The following CDC26 variants were observed in gnomAD, a reference collection of about 807,000 sequenced individuals.
CDC26 encodes the protein anaphase-promoting complex subunit CDC26.
Under a neutral mutation model 8.0 loss-of-function variants are expected in CDC26, and 2 were observed. The observed-to-expected ratio is 0.25, with a 90% CI of 0.10 to 0.79. The LOEUF is 0.79. CDC26 is among the 30% of genes least tolerant of loss of function. CDC26 has a pLI of 0.70. For missense variants in CDC26, 68 were observed against 106.0 expected (o/e 0.64, Z 1.57); for synonymous variants, 19 against 34.9 (o/e 0.55, Z 1.60).
chr9:113,272,658 A>T, intron 2 of CDC26, 110 bp from the exon 3 acceptor site: 1 of 575,908 alleles, frequency 1.7e-6, no homozygotes, highest in East Asian at 3.1e-5. Flanking sequence ...AATATTAAAA[A>T]TTTATTTGAA....
chr9:113,273,626 A>AT (rs1831993299), intron 1 of CDC26, among the ~76,000 whole-genome samples, 188 bp from the exon 2 acceptor site: 1 of 152,050 alleles, frequency 6.6e-6, no homozygotes, highest in Admixed American at 6.6e-5. Flanking sequence ...AGAGAGAAGA[A>AT]TGCACAAGGA....
intron 3 of CDC26, among the ~76,000 whole-genome samples, chr9:113,268,641 C>T (rs1182464153): frequency 1.3e-5 from 2 of 152,196 alleles, no homozygotes; most frequent in South Asian, 4.1e-4. Flanking sequence ...TCAGGCTGAC[C>T]GCAGTGGCTC....
rs781330526 is a variant in CDC26 at position 113,267,292 on chromosome 9, A to G, written c.229T>C (p.Ser77Pro). 6.5e-7 allele frequency: 1 copy of G among 1,544,934 alleles called. No homozygotes were observed. The highest frequency in any genetic ancestry group is 8.7e-7 in the Non-Finnish European group (1 of 1,144,872). ...YKPQPKPNNR[S>P]SQFGSLEF Reference sequence around the variant, plus strand: ...AATTCAAGACTTCCAAATTGAGATGAACGATTATTGGGCTTGGGTTGGGGT... The same window carrying G: ...AATTCAAGACTTCCAAATTGAGATGGACGATTATTGGGCTTGGGTTGGGGT... Residue 77 changes from serine (S) to proline (P), a missense_variant, in exon 4 of 4, where the codon TCA (serine) becomes CCA (proline). Coordinates refer to ENST00000374206, the MANE Select transcript of CDC26 (RefSeq NM_139286.4).
intron 3 of CDC26, among the ~76,000 whole-genome samples, chr9:113,268,161 A>G (rs943632681): frequency 1.3e-5 from 2 of 152,194 alleles, no homozygotes; most frequent in Non-Finnish European, 2.9e-5. Flanking sequence ...GGAAGCTACA[A>G]TTGGAAAGCT....
At position 113,267,258 on chromosome 9, in the gene CDC26, C is replaced by T; in HGVS notation, c.*5G>A. On this transcript the variant is annotated 3_prime_UTR_variant, in exon 4 of 4. Coordinates refer to ENST00000374206, the MANE Select transcript of CDC26 (RefSeq NM_139286.4). ...CAGCGCTCTGGCATGCAAGATAATC[C>T]ATCTCTAAAATTCAAGACTTCCAAA... is the stretch of plus-strand genomic sequence containing the variant. 6.8e-7 allele frequency: 1 copy of T among 1,468,814 alleles called. No homozygotes were observed. Among genetic ancestry groups the T allele is most frequent in the South Asian group, 1.3e-5 (1 of 74,190 alleles). 91.0% of individuals were successfully genotyped at this position (1,468,814 alleles called of 1,614,324 possible). A position where few individuals can be genotyped will look rare whatever the true frequency, so the allele number is the denominator to read the frequency against.
intron 3 of CDC26, among the ~76,000 whole-genome samples, chr9:113,269,980 G>C (rs1034511066): frequency 2.0e-5 from 3 of 152,206 alleles, no homozygotes; most frequent in African/African-American, 7.2e-5. Context: ...GCAGGGAACA[G>C]ATGCAGAGAG....
chr9:113,270,204 G>C (rs1190578508), intron 3 of CDC26, among the ~76,000 whole-genome samples: 1 of 152,200 alleles, frequency 6.6e-6, no homozygotes, highest in African/African-American at 2.4e-5. Flanking sequence ...ACTGTGTATA[G>C]GCACTGAGAT....
chr9:113,270,086 G>C (rs910058524), intron 3 of CDC26, among the ~76,000 whole-genome samples: 1 of 152,208 alleles, frequency 6.6e-6, no homozygotes, highest in Non-Finnish European at 1.5e-5. Flanking sequence ...GTGCCTATGA[G>C]AGAGGTTAGC....
At chr9:113,268,766 T>C (rs1244948624) in intron 3 of CDC26, among the ~76,000 whole-genome samples, 1 of 152,162 alleles carries the variant, frequency 6.6e-6, no homozygotes, top group African/African-American at 2.4e-5. Context: ...CAATTTTTTT[T>C]TTTTCTTTAG....
At position 113,269,770 on chromosome 9, in the gene CDC26, A is replaced by T. The variant is rs890360226; in HGVS notation, c.82-2331T>A. Among the ~76,000 whole-genome samples the T allele has an allele frequency of 9.8e-5, 15 of 152,380 alleles. 1 individual carries two copies. In the South Asian group the frequency reaches 2.9e-3, roughly 29 times the overall value. On this transcript the variant is annotated intron_variant, in intron 3 of 3. Transcript: ENST00000374206. ...AGAAAGCAAAAATTACGATACTTAG[A>T]GAACACTAAAGTCTCTTGGGATGAA...
intron 1 of CDC26, among the ~76,000 whole-genome samples, chr9:113,273,956 A>G (rs948274021): frequency 1.3e-5 from 2 of 152,162 alleles, no homozygotes; most frequent in Admixed American, 6.5e-5. Context: ...ACTGAGTTTA[A>G]TATCTGTTGA....
Position 113,272,481 on chromosome 9 carries a change from T to C in CDC26, c.27A>G (p.Leu9=), listed in dbSNP as rs529114551. 3 of 1,613,156 alleles carry C rather than the reference T, an allele frequency of 1.9e-6. No homozygotes were observed. In the African/African-American group the frequency reaches 4.0e-5, roughly 22 times the overall value. The change falls in exon 3 of 4, where the codon CTA becomes CTG. Residue 9 remains leucine, a synonymous_variant. Coordinates refer to ENST00000374206, the MANE Select transcript of CDC26 (RefSeq NM_139286.4). ...CTTCAATGTCATCAAGCTTTAGCTC[T>C]AGGCGTGTTGGTTTCCGTCTCAGCA... MLRRKPTR[L]ELKLDDIEEF... is the part of the protein sequence containing the mutation.
chr9:113,267,635 T>C (rs965119797), intron 3 of CDC26, among the ~76,000 whole-genome samples, 196 bp from the exon 4 acceptor site: 1 of 152,098 alleles, frequency 6.6e-6, no homozygotes, highest in Non-Finnish European at 1.5e-5. Flanking sequence ...CCCTGATCAC[T>C]TGAGGTCAGG....
At chr9:113,268,483 A>G (rs1460020597) in intron 3 of CDC26, among the ~76,000 whole-genome samples, 1 of 152,254 alleles carries the variant, frequency 6.6e-6, no homozygotes, top group Non-Finnish European at 1.5e-5. Flanking sequence ...GACTGTAAGG[A>G]TAACAGATGA....
chr9:113,268,052 A>G (rs1237576571), intron 3 of CDC26, among the ~76,000 whole-genome samples: 1 of 152,170 alleles, frequency 6.6e-6, no homozygotes, highest in Admixed American at 6.6e-5. Context: ...ACAGGCAAAC[A>G]GACGATTATA....
At chr9:113,273,862 T>C (rs1337671260) in intron 1 of CDC26, among the ~76,000 whole-genome samples, 2 of 148,666 alleles carry the variant, frequency 1.3e-5, no homozygotes, top group East Asian at 2.0e-4. Flanking sequence ...AAGAGAGCAT[T>C]CCACAGCCTG....
At chr9:113,271,786 G>A (rs990130363) in intron 3 of CDC26, among the ~76,000 whole-genome samples, 2 of 152,170 alleles carry the variant, frequency 1.3e-5, no homozygotes, top group Admixed American at 6.5e-5. Flanking sequence ...ATAAGCTGTT[G>A]GCTTAAGAGT....
At chr9:113,269,235 A>T (rs1831915286) in intron 3 of CDC26, among the ~76,000 whole-genome samples, 1 of 121,588 alleles carries the variant, frequency 8.2e-6, no homozygotes, top group African/African-American at 4.0e-5. Context: ...AATAAAAATA[A>T]AAAAAAAAAA....
chr9:113,272,675 CAT>C (rs1248727062), intron 2 of CDC26, 127 bp from the exon 3 acceptor site: 27 of 485,044 alleles, frequency 5.6e-5, no homozygotes, highest in South Asian at 2.9e-4. Flanking sequence ...TGAATTTACA[CAT>C]AGACTTCTAA....
Sources: gnomAD v4.1 joint callset for allele counts (sites outside exome capture counted in the v4.1 genomes callset) on GRCh38, gnomAD v4.1.1 for gene constraint, MANE v1.5 for transcripts, NCBI Gene and HGNC (gene_info 2026-07-23, HGNC 2026-07-21) for gene names.